CENPC: variants seen among roughly 807,000 people sequenced by gnomAD.
CENPC encodes centromere protein C.
In CENPC, 63 loss-of-function variants were observed where a neutral mutation model predicts 112.1. That is an observed-to-expected ratio of 0.56 (90% CI 0.46 to 0.69). CENPC has a LOEUF of 0.69. Among genes scored for constraint, CENPC ranks in the 30% least tolerant of loss-of-function variants. CENPC has a pLI of 0.00. For missense variants in CENPC, 1,000 were observed against 1,103.8 expected (o/e 0.91, Z 1.33); for synonymous variants, 333 against 367.6 (o/e 0.91, Z 1.08).
intron 18 of CENPC, among the ~76,000 whole-genome samples, chr4:67,473,588 T>G (rs1724727630): frequency 6.6e-6 from 1 of 152,170 alleles, no homozygotes; most frequent in African/African-American, 2.4e-5. Flanking sequence ...AGTCTTGCTC[T>G]GTCACCCAGG....
chr4:67,540,856 G>C (rs1316559342), intron 3 of CENPC, 124 bp downstream of exon 3: 1 of 719,390 alleles, frequency 1.4e-6, no homozygotes, highest in East Asian at 2.9e-5. Flanking sequence ...CAAAATACCA[G>C]GGAAAATATT....
At position 67,509,031 on chromosome 4, in the gene CENPC, T is replaced by C; in HGVS notation, c.1687A>G (p.Lys563Glu). 1 of 1,612,840 alleles carries C rather than the reference T, an allele frequency of 6.2e-7. No homozygotes were observed. The highest frequency in any genetic ancestry group is 8.5e-7 in the Non-Finnish European group (1 of 1,179,502). The part of the protein sequence containing the change: ...HHNSSRKSTK[K>E]TNQSSKNIRK... ...ATATTCTTAGATGACTGATTTGTTT[T>C]CTTAGTAGATTTTCGGCTACTATTG... Residue 563 changes from lysine to glutamate, a missense_variant, in exon 10 of 19, where the codon AAA (lysine) becomes GAA (glutamate). Transcript: ENST00000273853.
chr4:67,541,982 C>T (rs1161347526), intron 2 of CENPC, among the ~76,000 whole-genome samples: 1 of 152,198 alleles, frequency 6.6e-6, no homozygotes, highest in African/African-American at 2.4e-5. Context: ...TCACTCAACA[C>T]AATTCTATGG....
Position 67,525,396 on chromosome 4 carries a change from T to C in CENPC, c.331+5419A>G, listed in dbSNP as rs375085814. ...ACAGGCAACCTACAGAATGGGAGAA[T>C]ATTTTTACAACCTCTCCATCTGACA... On this transcript the variant is annotated intron_variant, in intron 5 of 18. Coordinates refer to ENST00000273853, the MANE Select transcript of CENPC (RefSeq NM_001812.4). 6.6e-5 allele frequency among the ~76,000 whole-genome samples: 10 copies of C among 152,148 alleles called. No individual in the cohort carries two copies. The East Asian group carries it at 1.4e-3, about 21-fold the overall frequency.
chr4:67,475,291 G>A (rs77634677), intron 17 of CENPC, among the ~76,000 whole-genome samples: 151 of 152,330 alleles, frequency 9.9e-4, no homozygotes, highest in African/African-American at 3.1e-3. Context: ...GACTTGCACC[G>A]TTGCTGGCAC....
chr4:67,483,793 AT>A (rs1725016651), intron 17 of CENPC, among the ~76,000 whole-genome samples: 1 of 152,166 alleles, frequency 6.6e-6, no homozygotes, highest in African/African-American at 2.4e-5. Flanking sequence ...TAAAAAAAAA[AT>A]AGAAAAAAGC....
At chr4:67,510,833 A>C in intron 9 of CENPC, 1 of 363,196 alleles carries the variant, frequency 2.8e-6, no homozygotes, top group Non-Finnish European at 5.4e-6. Context: ...TTTAGACTAT[A>C]TGATATATAA....
intron 5 of CENPC, among the ~76,000 whole-genome samples, chr4:67,526,316 C>T (rs1041620230): frequency 6.6e-6 from 1 of 151,424 alleles, no homozygotes; most frequent in Admixed American, 6.6e-5. Context: ...GCACATGTAT[C>T]CCAGAACTTA....
chr4:67,526,281 C>T (rs1391242233), intron 5 of CENPC, among the ~76,000 whole-genome samples: 1 of 151,712 alleles, frequency 6.6e-6, no homozygotes, highest in Non-Finnish European at 1.5e-5. Context: ...CACAGGTGTA[C>T]CTATGTAACA....
chr4:67,484,561 T>C (rs1475421216), intron 17 of CENPC, among the ~76,000 whole-genome samples: 1 of 152,182 alleles, frequency 6.6e-6, no homozygotes, highest in East Asian at 1.9e-4. Context: ...GAAATGTGCA[T>C]GTGAGAAATC....
rs540487643 is a variant in CENPC at position 67,480,985 on chromosome 4, A to G, written c.2671-6007T>C. ...GAAAGAAATAAAGGGTATCCAAACT[A>G]GAAAAGAGGAAGTCAAACTGTTGCT... On this transcript the variant is annotated intron_variant, in intron 17 of 18. Coordinates refer to ENST00000273853, the MANE Select transcript of CENPC (RefSeq NM_001812.4). 1.4e-4 allele frequency among the ~76,000 whole-genome samples: 22 copies of G among 152,310 alleles called. No individual in the cohort carries two copies. In the South Asian group the frequency reaches 2.1e-3, roughly 14 times the overall value.
chr4:67,520,873 G>A (rs1258476857), intron 5 of CENPC, among the ~76,000 whole-genome samples: 1 of 151,876 alleles, frequency 6.6e-6, no homozygotes, highest in African/African-American at 2.4e-5. Context: ...TTAGCCAGGC[G>A]TAGTGGCACA....
At chr4:67,522,507 G>T (rs1031287882) in intron 5 of CENPC, among the ~76,000 whole-genome samples, 1 of 152,138 alleles carries the variant, frequency 6.6e-6, no homozygotes, top group East Asian at 1.9e-4. Flanking sequence ...TGGGTTCCAA[G>T]GGCAACTGGA....
chr4:67,512,618 T>C (rs2109802579), intron 8 of CENPC, 49 bp from the exon 9 acceptor site: 2 of 1,329,792 alleles, frequency 1.5e-6, no homozygotes, highest in Middle Eastern at 3.9e-4. Context: ...CTAAAAGAGT[T>C]TTCAGAAAAC....
chr4:67,543,164 C>T (rs1479256991), intron 2 of CENPC, among the ~76,000 whole-genome samples: 2 of 152,108 alleles, frequency 1.3e-5, no homozygotes, highest in African/African-American at 2.4e-5. Flanking sequence ...TAATAGATGC[C>T]TAAAGCCTAA....
In CENPC at chr4:67,475,917, TACAGTCATGC is replaced by T. The variant is rs776814627; in HGVS notation, c.2671-949_2671-940del. 1.9e-4 allele frequency among the ~76,000 whole-genome samples: 29 copies of T among 152,292 alleles called. 1 individual carries two copies. The highest frequency in any genetic ancestry group is 3.4e-3 in the Middle Eastern group (1 of 294). ...GAGTATTAAGCCATTAAATTTGTGA[TACAGTCATGC>T]ACTGCCTAACGATGTTTCAGTCAAC... On this transcript the variant is annotated intron_variant, in intron 17 of 18. Transcript: ENST00000273853.
chr4:67,504,380 G>C (rs1009211371), intron 12 of CENPC, among the ~76,000 whole-genome samples: 3 of 151,930 alleles, frequency 2.0e-5, no homozygotes, highest in African/African-American at 7.3e-5. Context: ...TAAATCTAAT[G>C]ACGGGGGAAA....
At position 67,508,923 on chromosome 4, in the gene CENPC, C is replaced by T. The variant is rs200110790; in HGVS notation, c.1795G>A (p.Gly599Ser). ...QRVQKFLNAE[G>S]SGGIVGHDEI... ...TCATGACCAACGATACCTCCAGAAC[C>T]TTCAGCATTTAAAAACTTCTGTACT... is the stretch of plus-strand genomic sequence containing the variant. The change falls in exon 10 of 19, where the codon GGT becomes AGT. Residue 599 changes from glycine (G) to serine (S), a missense_variant. Gly to Ser is a moderately conservative substitution (Grantham distance 56). Coordinates refer to ENST00000273853, the MANE Select transcript of CENPC (RefSeq NM_001812.4). The T allele has an allele frequency of 1.8e-4, 297 of 1,613,690 alleles. 2 individuals are homozygous for T. In the African/African-American group the frequency reaches 3.5e-3, roughly 19 times the overall value.
intron 5 of CENPC, among the ~76,000 whole-genome samples, chr4:67,527,473 G>A (rs569486489): frequency 7.2e-4 from 106 of 146,944 alleles, no homozygotes; most frequent in African/African-American, 2.4e-3. Context: ...CAGGAACAAC[G>A]CTAGAATTTT....
Sources: allele counts gnomAD v4.1 joint callset (sites outside exome capture counted in the v4.1 genomes callset), GRCh38; gene constraint gnomAD v4.1.1; transcripts MANE v1.5; gene names NCBI Gene and HGNC (gene_info 2026-07-23, HGNC 2026-07-21).